Variants in TMEM168 observed in about 807,000 individuals in gnomAD.
TMEM168 encodes the protein transmembrane protein 168.
In TMEM168, 40 loss-of-function variants were observed where a neutral mutation model predicts 53.2. That is an observed-to-expected ratio of 0.75 (90% confidence interval 0.58 to 0.98). The LOEUF is 0.98. Ranked by LOEUF, TMEM168 falls within the 50% of genes least tolerant of loss-of-function variation. The probability of loss-of-function intolerance (pLI) is 0.00; values close to 1 mark genes in which losing one functional copy is unlikely to be tolerated. For synonymous variants in TMEM168, 282 were observed against 293.0 expected, an observed-to-expected ratio of 0.96 and a Z score of 0.38; for missense variants, 771 against 828.8, an observed-to-expected ratio of 0.93 and a Z score of 0.86.
Position 112,766,599 on chromosome 7 carries a change from T to C in TMEM168, c.*598A>G, listed in dbSNP as rs1438880037. ...ACATAAAGAATATTTTGATCTAAAA[T>C]GTAACTTGGGTTCTCTGCCACACTG... On this transcript the variant is annotated 3_prime_UTR_variant, in exon 5 of 5. Transcript: ENST00000312814. 6.5e-6 allele frequency: 1 copy of C among 152,714 alleles called. No individual in the cohort carries two copies. The highest frequency in any genetic ancestry group is 1.5e-5 in the Non-Finnish European group (1 of 68,088). The allele number at this position is 152,714 out of a possible 1,614,324, so 9.5% of individuals were successfully genotyped here.
Position 112,762,680 on chromosome 7 carries a change from A to T in TMEM168, c.*4517T>A, listed in dbSNP as rs1792692712. 1 of 152,072 alleles carries T rather than the reference A, an allele frequency of 6.6e-6. No homozygotes were observed. Among genetic ancestry groups the T allele is most frequent in the Non-Finnish European group, 1.5e-5 (1 of 67,926 alleles). The allele number at this position is 152,072 out of a possible 1,614,324, so 9.4% of individuals were successfully genotyped here. A position where few individuals can be genotyped will look rare whatever the true frequency, so the allele number is the denominator to read the frequency against. On this transcript the variant is annotated 3_prime_UTR_variant, in exon 5 of 5. Transcript: ENST00000312814. ...TTTAAAATCAAAATGGCTTTTAGGT[A>T]TTGAATATTTCAAAGCAAAAAACCT...
rs773992483 is a variant in TMEM168 at position 112,784,477 on chromosome 7, C to A, written c.349G>T (p.Asp117Tyr). The change falls in exon 2 of 5, where the codon GAT becomes TAT. Residue 117 changes from aspartate to tyrosine, a missense_variant. Physicochemically the swap from Asp to Tyr is radical, Grantham distance 160. Coordinates refer to ENST00000312814, the MANE Select transcript of TMEM168 (RefSeq NM_022484.6). ...TATTTGGTTGATTCTTCTTTTACATCATTTTTAAAGGATGAATTATCAAGA... is the reference window on the plus strand; with the variant it reads ...TATTTGGTTGATTCTTCTTTTACATAATTTTTAAAGGATGAATTATCAAGA... ...CFLDNSSFKN[D>Y]VKEESTKYLL... 6.2e-7 allele frequency: 1 copy of A among 1,613,880 alleles called. No individual in the cohort carries two copies. Among genetic ancestry groups the A allele is most frequent in the Non-Finnish European group, 8.5e-7 (1 of 1,179,978 alleles).
rs777554580 is a variant in TMEM168, at chr7:112,784,107, T to G, written c.719A>C (p.Asp240Ala). The G allele has an allele frequency of 6.2e-7, 1 of 1,613,522 alleles. No individual in the cohort carries two copies. Among genetic ancestry groups the G allele is most frequent in the Non-Finnish European group, 8.5e-7 (1 of 1,179,906 alleles). Residue 240 changes from aspartate to alanine, a missense_variant, in exon 2 of 5, where the codon GAC (aspartate) becomes GCC (alanine). Asp to Ala is a moderately radical substitution (Grantham distance 126). Coordinates refer to ENST00000312814, the MANE Select transcript of TMEM168 (RefSeq NM_022484.6). The stretch of plus-strand genomic sequence containing the variant: ...TACTGAAAGTCCACTAAAATAAATG[T>G]CAAGGAAAGGATCAGTTATCAGGCA... ...FICLITDPFL[D>A]IYFSGLSVTE...
intron 1 of TMEM168, among the ~76,000 whole-genome samples, chr7:112,785,845 T>C (rs76649777): frequency 1.5e-4 from 23 of 152,320 alleles, no homozygotes; most frequent in African/African-American, 5.5e-4. Context: ...TTTCCTAGTA[T>C]ACTGTTTCAA....
chr7:112,764,501 T>G lies in TMEM168; in HGVS notation c.*2696A>C, dbSNP rs911927429. 4.0e-5 allele frequency: 6 copies of G among 150,958 alleles called. 1 individual carries two copies. The highest frequency in any genetic ancestry group is 1.2e-4 in the African/African-American group (5 of 40,842). The allele number at this position is 150,958 out of a possible 1,614,324, so 9.4% of individuals were successfully genotyped here. On this transcript the variant is annotated 3_prime_UTR_variant, in exon 5 of 5. Transcript: ENST00000312814. Reference sequence around the variant, plus strand: ...TTCTACACCCTTATTATTTTTTTTGTTTGTTTCTTTTTTTTTTTGAGATGG... The same window carrying G: ...TTCTACACCCTTATTATTTTTTTTGGTTGTTTCTTTTTTTTTTTGAGATGG...
intron 1 of TMEM168, among the ~76,000 whole-genome samples, chr7:112,785,655 A>G (rs1351369167): frequency 6.6e-6 from 1 of 152,198 alleles, no homozygotes; most frequent in Non-Finnish European, 1.5e-5. Flanking sequence ...AAAATGAAAA[A>G]CTGAAATGCT....
Position 112,783,945 on chromosome 7 carries a change from AC to A in TMEM168, c.880del (p.Val294Ter). Reference sequence around the variant, plus strand: ...TCCAAAAATGGAAAAGCCAGGTATTACAAAATACCAGAGGTGAGTGTCTCTA... The same window carrying A: ...TCCAAAAATGGAAAAGCCAGGTATTAAAAATACCAGAGGTGAGTGTCTCTA... ...KLRDTHLWYF[V>X]IPGFSIFGIF... On this transcript the variant is annotated frameshift_variant, in exon 2 of 5. Coordinates refer to ENST00000312814, the MANE Select transcript of TMEM168 (RefSeq NM_022484.6). LOFTEE classifies it high-confidence loss of function. The A allele has an allele frequency of 1.2e-6, 2 of 1,607,494 alleles. No individual in the cohort carries two copies. The highest frequency in any genetic ancestry group is 1.7e-6 in the Non-Finnish European group (2 of 1,178,488).
At chr7:112,770,356 T>C (rs77398328) in intron 4 of TMEM168, among the ~76,000 whole-genome samples, 2,998 of 152,274 alleles carry the variant, frequency 0.02, 47 homozygotes, top group Non-Finnish European at 0.032. Flanking sequence ...ATCAGTATGC[T>C]TTCTCTCTCT....
In TMEM168 at chr7:112,783,722, C is replaced by T. The variant is rs769649689; in HGVS notation, c.1104G>A (p.Ala368=). ...QLVFFSLLAT[A]ILGAVSWQPT... ...CCTGCCAGGAAACTGCTCCCAAAAT[C>T]GCTGTTGCAAGAAGACTAAAGAACA... Residue 368 remains alanine (A), a synonymous_variant, in exon 2 of 5, where the codon GCG becomes GCA. Coordinates refer to ENST00000312814, the MANE Select transcript of TMEM168 (RefSeq NM_022484.6). The T allele has an allele frequency of 1.3e-5, 20 of 1,508,092 alleles. No individual in the cohort carries two copies. Among genetic ancestry groups the T allele is most frequent in the Non-Finnish European group, 1.7e-5 (19 of 1,129,814 alleles). The allele number at this position is 1,508,092 out of a possible 1,614,324, so 93.4% of individuals were successfully genotyped here. A position where few individuals can be genotyped will look rare whatever the true frequency, so the allele number is the denominator to read the frequency against.
chr7:112,775,109 T>C, intron 3 of TMEM168, 67 bp downstream of exon 3: 1 of 1,306,410 alleles, frequency 7.7e-7, no homozygotes, highest in Admixed American at 2.7e-5. Flanking sequence ...CTATATTTTA[T>C]TCATATAAAT....
In TMEM168 at chr7:112,764,267, CAA is replaced by C. The variant is rs1327234254; in HGVS notation, c.*2928_*2929del. 1 of 151,662 alleles carries C rather than the reference CAA, an allele frequency of 6.6e-6. No homozygotes were observed. The highest frequency in any genetic ancestry group is 2.4e-5 in the African/African-American group (1 of 41,322). The allele number at this position is 151,662 out of a possible 1,614,324, so 9.4% of individuals were successfully genotyped here. ...TTTAGCAAGGTATCACATGAGGAAA[CAA>C]ATACTAAACAAAGTTATGTTGAAAA... On this transcript the variant is annotated 3_prime_UTR_variant, in exon 5 of 5. Coordinates refer to ENST00000312814, the MANE Select transcript of TMEM168 (RefSeq NM_022484.6).
chr7:112,789,719 T>G (rs1469181837), intron 1 of TMEM168, among the ~76,000 whole-genome samples: 1 of 152,228 alleles, frequency 6.6e-6, no homozygotes, highest in African/African-American at 2.4e-5. Context: ...CTGAAAGAAC[T>G]ACACTGAAAA....
At chr7:112,777,781 CCT>C (rs1209487111) in intron 2 of TMEM168, among the ~76,000 whole-genome samples, 6 of 152,062 alleles carry the variant, frequency 3.9e-5, no homozygotes, top group African/African-American at 1.4e-4. Context: ...CCTGATCTCT[CCT>C]TTTACTTTTG....
chr7:112,775,160 T>A lies in TMEM168; in HGVS notation c.1271+16A>T. On this transcript the variant is annotated intron_variant, in intron 3 of 4. Coordinates refer to ENST00000312814, the MANE Select transcript of TMEM168 (RefSeq NM_022484.6). ...TGAAGTGAATAGTTATCACTAACTA[T>A]ACTAGATTACTGTACCTGCAGAAGT... The A allele has an allele frequency of 2.5e-6, 4 of 1,595,784 alleles. No homozygotes were observed. Among genetic ancestry groups the A allele is most frequent in the Non-Finnish European group, 3.4e-6 (4 of 1,172,204 alleles).
intron 1 of TMEM168, 90 bp from the exon 2 acceptor site, chr7:112,785,043 C>T (rs1793343059): frequency 5.3e-6 from 2 of 374,594 alleles, no homozygotes; most frequent in South Asian, 1.4e-4. Flanking sequence ...TGAAAAAATC[C>T]AGTTTAAAAA....
rs770042839 is a variant in TMEM168, at chr7:112,767,259, T to C, written c.2032A>G (p.Met678Val). The C allele has an allele frequency of 1.3e-5, 21 of 1,613,998 alleles. No homozygotes were observed. In the South Asian group the frequency reaches 2.3e-4, roughly 18 times the overall value. The change falls in exon 5 of 5, where the codon ATG becomes GTG. Residue 678 changes from methionine to valine, a missense_variant. Physicochemically the swap from Met to Val is conservative, Grantham distance 21 (BLOSUM62 1). Coordinates refer to ENST00000312814, the MANE Select transcript of TMEM168 (RefSeq NM_022484.6). ...AGCACAGTAGGAAGAAACCAACTCA[T>C]TTTTAATCTTTTCAAGCACCTAAAA... ...TCFRCLKRLK[M>V]SWFLPTVLDT... is the part of the protein sequence containing the mutation.
In TMEM168 at chr7:112,772,918, C is replaced by G; in HGVS notation, c.1409G>C (p.Ser470Thr). The G allele has an allele frequency of 1.2e-6, 2 of 1,614,068 alleles. No homozygotes were observed. The highest frequency in any genetic ancestry group is 1.7e-6 in the Non-Finnish European group (2 of 1,179,978). Residue 470 changes from serine to threonine, a missense_variant, in exon 4 of 5, where the codon AGT becomes ACT. Physicochemically the swap from Ser to Thr is moderately conservative, Grantham distance 58. Transcript: ENST00000312814. ...IETYGCDYST[S>T]GLSFDTLHSK... ...ATGCAGAGTATCAAATGACAGTCCA[C>G]TTGTGGAATAGTCACATCCATAGGT...
intron 2 of TMEM168, among the ~76,000 whole-genome samples, chr7:112,776,682 T>C (rs1793092713): frequency 6.6e-6 from 1 of 151,394 alleles, no homozygotes; most frequent in Admixed American, 6.6e-5. Flanking sequence ...TACCATCATC[T>C]ATACGCACAG....
intron 1 of TMEM168, among the ~76,000 whole-genome samples, chr7:112,786,294 A>T (rs1192806380): frequency 6.6e-6 from 1 of 152,202 alleles, no homozygotes; most frequent in East Asian, 1.9e-4. Context: ...GAAACATGAG[A>T]ACCTGGAATC....
Sources: allele counts gnomAD v4.1 joint callset (sites outside exome capture counted in the v4.1 genomes callset), GRCh38; gene constraint gnomAD v4.1.1; transcripts MANE v1.5; gene names NCBI Gene and HGNC (gene_info 2026-07-23, HGNC 2026-07-21).